The following RARRES1 variants were observed in gnomAD, a reference collection of about 807,000 sequenced individuals.
RARRES1 encodes retinoic acid receptor responder protein 1.
A neutral mutation model predicts 30.6 loss-of-function variants in RARRES1; 34 were observed. The observed-to-expected ratio is 1.11, with a 90% CI of 0.84 to 1.48. The LOEUF is 1.48. Ranked by LOEUF, RARRES1 falls within the 40% of genes most tolerant of loss-of-function variation. The pLI is 0.00. For missense variants in RARRES1, 373 were observed against 386.5 expected, an observed-to-expected ratio of 0.97 and a Z score of 0.29; for synonymous variants, 153 against 155.5, an observed-to-expected ratio of 0.98 and a Z score of 0.12.
chr3:158,714,768 G>A (rs905817243), intron 1 of RARRES1, among the ~76,000 whole-genome samples: 3 of 152,148 alleles, frequency 2.0e-5, no homozygotes, highest in Non-Finnish European at 4.4e-5. Context: ...TCCTAGAGAG[G>A]AAAGGGAACT....
At chr3:158,706,280 G>A (rs923333385) in intron 3 of RARRES1, among the ~76,000 whole-genome samples, 1 of 152,200 alleles carries the variant, frequency 6.6e-6, no homozygotes, top group Non-Finnish European at 1.5e-5. Context: ...TCAGAAAGCT[G>A]AGGGACAGCA....
At chr3:158,698,533 A>G (rs1726625090) in intron 4 of RARRES1, among the ~76,000 whole-genome samples, 1 of 152,240 alleles carries the variant, frequency 6.6e-6, no homozygotes, top group Non-Finnish European at 1.5e-5. Flanking sequence ...TATATACCAC[A>G]TGAAGCTATA....
At chr3:158,722,086 C>CAAAAAAAAAAA (rs571829700) in intron 1 of RARRES1, among the ~76,000 whole-genome samples, 18 of 68,732 alleles carry the variant, frequency 2.6e-4, no homozygotes, top group African/African-American at 7.6e-4. Flanking sequence ...GAATGAAACT[C>CAAAAAAAAAAA]AAAAAAAAAA....
intron 1 of RARRES1, among the ~76,000 whole-genome samples, chr3:158,719,979 C>T (rs536713341): frequency 3.9e-5 from 6 of 152,210 alleles, no homozygotes; most frequent in Admixed American, 6.5e-5. Context: ...GTGCCTCACC[C>T]GACCCAACAT....
chr3:158,705,997 A>C (rs188282982), intron 3 of RARRES1, among the ~76,000 whole-genome samples: 1 of 152,332 alleles, frequency 6.6e-6, no homozygotes, highest in African/African-American at 2.4e-5. Context: ...CATTTTATGC[A>C]GTTTTGTAGG....
At chr3:158,730,959 T>G (rs1727864254) in intron 1 of RARRES1, among the ~76,000 whole-genome samples, 1 of 151,912 alleles carries the variant, frequency 6.6e-6, no homozygotes, top group Non-Finnish European at 1.5e-5. Context: ...AATTTTGTAT[T>G]TTTAGTAGAG....
At chr3:158,718,759 G>A (rs1727405475) in intron 1 of RARRES1, among the ~76,000 whole-genome samples, 1 of 152,178 alleles carries the variant, frequency 6.6e-6, no homozygotes, top group South Asian at 2.1e-4. Flanking sequence ...ACCTTATAAA[G>A]ACCTCTGGTC....
intron 4 of RARRES1, among the ~76,000 whole-genome samples, chr3:158,703,229 C>A (rs1324349769): frequency 1.3e-5 from 2 of 152,160 alleles, no homozygotes; most frequent in African/African-American, 4.8e-5. Flanking sequence ...ACTGGGGCCA[C>A]TGTTTCCTGC....
At chr3:158,716,149 G>A (rs1410270479) in intron 1 of RARRES1, among the ~76,000 whole-genome samples, 4 of 152,282 alleles carry the variant, frequency 2.6e-5, no homozygotes, top group East Asian at 3.9e-4. Flanking sequence ...GGGTGGGTGC[G>A]GAGGCCATTC....
At chr3:158,726,436 C>T (rs181402321) in intron 1 of RARRES1, among the ~76,000 whole-genome samples, 2 of 152,220 alleles carry the variant, frequency 1.3e-5, no homozygotes, top group Admixed American at 6.5e-5. Flanking sequence ...ACTGAACCCC[C>T]GAGCACGGGC....
At chr3:158,731,891 A>G (rs1393616295) in intron 1 of RARRES1, among the ~76,000 whole-genome samples, 4 of 152,226 alleles carry the variant, frequency 2.6e-5, no homozygotes, top group South Asian at 2.1e-4. Flanking sequence ...TGAAAAACCT[A>G]TGACCTCATA....
intron 1 of RARRES1, among the ~76,000 whole-genome samples, chr3:158,722,698 T>C (rs1198890919): frequency 6.6e-6 from 1 of 151,906 alleles, no homozygotes; most frequent in Non-Finnish European, 1.5e-5. Context: ...CTGGCTAACA[T>C]GGTGAAACCC....
chr3:158,699,442 C>CA (rs1473474983), intron 4 of RARRES1, among the ~76,000 whole-genome samples: 2 of 150,830 alleles, frequency 1.3e-5, no homozygotes, highest in African/African-American at 4.9e-5. Context: ...CAACCCCCCC[C>CA]CCACCAAAAA....
At chr3:158,722,086 C>CAA (rs571829700) in intron 1 of RARRES1, among the ~76,000 whole-genome samples, 47 of 68,722 alleles carry the variant, frequency 6.8e-4, no homozygotes, top group Middle Eastern at 9.4e-3. Context: ...GAATGAAACT[C>CAA]AAAAAAAAAA....
At chr3:158,731,527 T>C (rs1727887541) in intron 1 of RARRES1, among the ~76,000 whole-genome samples, 1 of 152,364 alleles carries the variant, frequency 6.6e-6, no homozygotes, top group East Asian at 1.9e-4. Flanking sequence ...TATAGAACAC[T>C]GGGCTCGGAT....
At chr3:158,716,775 G>A (rs769543922) in intron 1 of RARRES1, among the ~76,000 whole-genome samples, 2 of 152,052 alleles carry the variant, frequency 1.3e-5, no homozygotes, top group Admixed American at 6.6e-5. Context: ...GTAGAGACAG[G>A]TTTTCACCGT....
rs1727591731 is a variant in RARRES1 at position 158,723,870 on chromosome 3, A to G, written c.276+8270T>C. On this transcript the variant is annotated intron_variant, in intron 1 of 5. Transcript: ENST00000237696. The surrounding 1 kb of genome is among the most constrained non-coding windows in gnomAD (Gnocchi z 4.4). The stretch of plus-strand genomic sequence containing the variant: ...TCTCCCTGTTCCAGGTGCCTCAGTG[A>G]TTTCAGCACCCTTCCAGCTACCTTC... 6.6e-6 allele frequency among the ~76,000 whole-genome samples: 1 copy of G among 152,176 alleles called. No individual in the cohort carries two copies. The highest frequency in any genetic ancestry group is 1.5e-5 in the Non-Finnish European group (1 of 68,038).
In RARRES1 at chr3:158,723,784, G is replaced by A. The variant is rs937350376; in HGVS notation, c.276+8356C>T. On this transcript the variant is annotated intron_variant, in intron 1 of 5. Coordinates refer to ENST00000237696, the MANE Select transcript of RARRES1 (RefSeq NM_206963.2). This position sits in a 1 kb window ranked among gnomAD's most constrained non-coding sequence, Gnocchi z 4.4. ...AAAAGGCTGGTTGAGAGCAGGACAT[G>A]AGGCTTCAGGTCTCCTTTTCTCCTG... Among the ~76,000 whole-genome samples the A allele has an allele frequency of 6.6e-6, 1 of 152,216 alleles. No individual in the cohort carries two copies. Among genetic ancestry groups the A allele is most frequent in the Non-Finnish European group, 1.5e-5 (1 of 68,044 alleles).
At position 158,697,609 on chromosome 3, in the gene RARRES1, T is replaced by C. The variant is rs1726588010; in HGVS notation, c.*69A>G. 5.5e-6 allele frequency: 8 copies of C among 1,449,668 alleles called. No homozygotes were observed. In the South Asian group the frequency reaches 1.0e-4, roughly 18 times the overall value. The allele number at this position is 1,449,668 out of a possible 1,614,324, so 89.8% of individuals were successfully genotyped here. ...TTAGAATGTCTATACCTTAGCTGTT[T>C]TACTAGAAGAATGATTTATGCTAGT... On this transcript the variant is annotated 3_prime_UTR_variant, in exon 6 of 6. Transcript: ENST00000237696.
Sources: allele counts gnomAD v4.1 joint callset (sites outside exome capture counted in the v4.1 genomes callset), GRCh38; gene constraint gnomAD v4.1.1; non-coding constraint Gnocchi (gnomAD v3.1); transcripts MANE v1.5; gene names NCBI Gene and HGNC (gene_info 2026-07-23, HGNC 2026-07-21).